The following HORMAD2 variants were observed in gnomAD, a reference collection of about 807,000 sequenced individuals.
HORMAD2 encodes the protein HORMA domain-containing protein 2.
Under a neutral mutation model 38.8 loss-of-function variants are expected in HORMAD2, and 45 were observed. The observed-to-expected ratio is 1.16, with a 90% CI of 0.91 to 1.49. HORMAD2 has a LOEUF of 1.49. Ranked by LOEUF, HORMAD2 falls within the 40% of genes most tolerant of loss-of-function variation. HORMAD2 has a pLI of 0.00. For synonymous variants in HORMAD2, 126 were observed against 122.8 expected, an observed-to-expected ratio of 1.03 and a Z score of -0.17; for missense variants, 338 against 367.0, an observed-to-expected ratio of 0.92 and a Z score of 0.65.
the HORMAD2 span, among the ~76,000 whole-genome samples, chr22:30,199,670 C>T: frequency 9.9e-5 from 15 of 151,774 alleles, no homozygotes; most frequent in Non-Finnish European, 1.8e-4. Flanking sequence ...TTCCCAACCC[C>T]ATCTCACCCT....
intron 10 of HORMAD2, among the ~76,000 whole-genome samples, chr22:30,175,117 T>A (rs1026382227): frequency 6.7e-6 from 1 of 149,256 alleles, no homozygotes; most frequent in South Asian, 2.1e-4. Context: ...TAGTAACATA[T>A]CAATAATAAT....
intron 10 of HORMAD2, among the ~76,000 whole-genome samples, chr22:30,155,218 TC>T (rs1484349928): frequency 1.3e-5 from 2 of 152,184 alleles, no homozygotes; most frequent in Non-Finnish European, 1.5e-5. Flanking sequence ...TAAGGTGGTG[TC>T]TGCCAGCCTT....
chr22:30,142,452 C>T (rs1924147690), intron 10 of HORMAD2, among the ~76,000 whole-genome samples: 1 of 152,146 alleles, frequency 6.6e-6, no homozygotes. Flanking sequence ...CTATTCATTA[C>T]TGAAGTTCAG....
chr22:30,088,090 TAC>T (rs1162572809), intron 1 of HORMAD2, among the ~76,000 whole-genome samples: 20 of 151,434 alleles, frequency 1.3e-4, no homozygotes, highest in Admixed American at 3.3e-4. Context: ...CGTGTACATA[TAC>T]ACACACGTAC....
chr22:30,110,609 C>G (rs189489411), intron 5 of HORMAD2, among the ~76,000 whole-genome samples: 1 of 151,904 alleles, frequency 6.6e-6, no homozygotes, highest in African/African-American at 2.4e-5. Flanking sequence ...TGATCCCAAA[C>G]TCCTGAGCTC....
intron 10 of HORMAD2, among the ~76,000 whole-genome samples, chr22:30,140,276 GA>G (rs113704691): frequency 0.097 from 14,795 of 152,056 alleles, 740 homozygotes; most frequent in Middle Eastern, 0.14. Flanking sequence ...AAATAAAAAA[GA>G]AAAAGTGTGC....
At chr22:30,104,268 G>T in intron 4 of HORMAD2, 133 bp from the exon 5 acceptor site, 1 of 705,886 alleles carries the variant, frequency 1.4e-6, no homozygotes. Context: ...TTAAAAAAAT[G>T]ATTAAATGGG....
intron 10 of HORMAD2, among the ~76,000 whole-genome samples, chr22:30,157,710 AT>A (rs1363620498): frequency 6.6e-6 from 1 of 152,118 alleles, no homozygotes. Context: ...TGTTGCATTT[AT>A]GGGAACACTA....
chr22:30,148,092 G>A lies in HORMAD2; in HGVS notation c.819+25878G>A, dbSNP rs574168619. On this transcript the variant is annotated intron_variant, in intron 10 of 10. Coordinates refer to ENST00000336726, the MANE Select transcript of HORMAD2 (RefSeq NM_152510.4). ...TAGTTCCAAACTGGAATTAACCCGC[G>A]TGTCCATCAATAGGTGAAAGGATCA... Among the ~76,000 whole-genome samples, 49 of 152,200 alleles carry A rather than the reference G, an allele frequency of 3.2e-4. 1 individual carries two copies. In the South Asian group the frequency reaches 8.7e-3, roughly 27 times the overall value.
chr22:30,191,344 A>G, the HORMAD2 span, among the ~76,000 whole-genome samples: 1 of 152,166 alleles, frequency 6.6e-6, no homozygotes, highest in Non-Finnish European at 1.5e-5. Context: ...TAGGAAAGAA[A>G]GTTTCTCTCT....
the HORMAD2 span, among the ~76,000 whole-genome samples, chr22:30,199,201 T>C: frequency 6.6e-6 from 1 of 152,228 alleles, no homozygotes; most frequent in African/African-American, 2.4e-5. Context: ...ACGCAGCAAG[T>C]GGCAGAACTA....
chr22:30,122,176 G>C lies in HORMAD2; in HGVS notation c.781G>C (p.Gly261Arg). The change falls in exon 10 of 11, where the codon GGT (glycine) becomes CGT (arginine). Residue 261 changes from glycine (G) to arginine (R), a missense_variant. Coordinates refer to ENST00000336726, the MANE Select transcript of HORMAD2 (RefSeq NM_152510.4). Reference sequence around the variant, plus strand: ...CAGCACTACTGAGATCGCCCATCAGGGTCTAGACTGTGATGAGGAAGAAGA... The same window carrying C: ...CAGCACTACTGAGATCGCCCATCAGCGTCTAGACTGTGATGAGGAAGAAGA... ...ENSTTEIAHQ[G>R]LDCDEEEECN... The C allele has an allele frequency of 6.2e-7, 1 of 1,613,224 alleles. No individual in the cohort carries two copies. Among genetic ancestry groups the C allele is most frequent in the Non-Finnish European group, 8.5e-7 (1 of 1,179,530 alleles).
intron 3 of HORMAD2, among the ~76,000 whole-genome samples, chr22:30,102,287 T>G (rs756623483): frequency 1.6e-4 from 24 of 152,210 alleles, no homozygotes; most frequent in Non-Finnish European, 2.9e-5. Flanking sequence ...GACATATTTT[T>G]GATAATAAGC....
intron 10 of HORMAD2, among the ~76,000 whole-genome samples, chr22:30,151,002 T>C (rs1924714067): frequency 6.6e-6 from 1 of 152,164 alleles, no homozygotes; most frequent in South Asian, 2.1e-4. Context: ...TGTGTTTCAG[T>C]TGGTCTTTCT....
At chr22:30,111,485 C>CA (rs964433296) in intron 5 of HORMAD2, among the ~76,000 whole-genome samples, 12 of 147,944 alleles carry the variant, frequency 8.1e-5, no homozygotes, top group Admixed American at 2.0e-4. Context: ...GACTCTGTCT[C>CA]AAAAAAAAAG....
At chr22:30,109,931 G>A (rs1265193879) in intron 5 of HORMAD2, among the ~76,000 whole-genome samples, 1 of 152,040 alleles carries the variant, frequency 6.6e-6, no homozygotes, top group African/African-American at 2.4e-5. Context: ...TGTCCCTCTC[G>A]TCTCTAGCAG....
intron 10 of HORMAD2, among the ~76,000 whole-genome samples, chr22:30,126,477 C>G (rs1320967435): frequency 1.3e-5 from 2 of 152,124 alleles, no homozygotes; most frequent in East Asian, 3.9e-4. Flanking sequence ...GAGTATGGAC[C>G]ATTTTTTCAG....
At chr22:30,157,153 G>C (rs1297990674) in intron 10 of HORMAD2, among the ~76,000 whole-genome samples, 1 of 152,048 alleles carries the variant, frequency 6.6e-6, no homozygotes, top group Non-Finnish European at 1.5e-5. Context: ...ACCATGAAAG[G>C]GAAAACAGCC....
At chr22:30,130,228 G>T (rs902181604) in intron 10 of HORMAD2, among the ~76,000 whole-genome samples, 1 of 152,040 alleles carries the variant, frequency 6.6e-6, no homozygotes, top group African/African-American at 2.4e-5. Context: ...CCTTATTTCA[G>T]TCACAGAAAG....
Sources: gnomAD v4.1 joint callset for allele counts (sites outside exome capture counted in the v4.1 genomes callset) on GRCh38, gnomAD v4.1.1 for gene constraint, MANE v1.5 for transcripts, NCBI Gene and HGNC (gene_info 2026-07-23, HGNC 2026-07-21) for gene names.